Variants in SPINK2 observed in about 807,000 individuals in gnomAD.
SPINK2 encodes the protein serine peptidase inhibitor Kazal type 2.
SPINK2 carries 8 observed loss-of-function variants against 13.5 expected under a neutral mutation model. That is an observed-to-expected ratio of 0.59 (90% CI 0.35 to 1.07). SPINK2 has a LOEUF of 1.07. SPINK2 is among the 50% of genes least tolerant of loss of function. SPINK2 has a pLI of 0.02. For missense variants in SPINK2, 148 were observed against 180.3 expected (o/e 0.82, Z 1.03); for synonymous variants, 76 against 74.7 (o/e 1.02, Z -0.09).
At chr4:56,811,884 G>T in intron 2 of SPINK2, 90 bp from the exon 3 acceptor site, 12 of 442,642 alleles carry the variant, frequency 2.7e-5, no homozygotes, top group Non-Finnish European at 3.9e-5. Context: ...GATCTCCCTA[G>T]ATTTCCTAGA....
At chr4:56,820,718 G>A in intron 1 of SPINK2, 139 bp from the exon 2 acceptor site, 1 of 642,862 alleles carries the variant, frequency 1.6e-6, no homozygotes, top group African/African-American at 1.9e-5. Flanking sequence ...CGATCTTCCT[G>A]CCTAGGCCTC....
Position 56,820,338 on chromosome 4 carries a change from T to G in SPINK2, c.249+198A>C, listed in dbSNP as rs778541834. ...ACCTTTTGAATCTTTAAAGGAAATA[T>G]TAACACAAAGACTGAGCTGTTTTCA... On this transcript the variant is annotated intron_variant, in intron 2 of 3. Coordinates refer to ENST00000506738, the MANE Select transcript of SPINK2 (RefSeq NM_001271718.2). Among the ~76,000 whole-genome samples, 5 of 152,206 alleles carry G rather than the reference T, an allele frequency of 3.3e-5. No individual in the cohort carries two copies. In the East Asian group the frequency reaches 9.6e-4, roughly 29 times the overall value.
chr4:56,810,142 G>A lies in SPINK2; in HGVS notation c.402C>T (p.Cys134=). 6.2e-7 allele frequency: 1 copy of A among 1,608,750 alleles called. No homozygotes were observed. Among genetic ancestry groups the A allele is most frequent in the African/African-American group, 1.3e-5 (1 of 74,884 alleles). The change falls in exon 4 of 4, where the codon TGC becomes TGT. Residue 134 remains cysteine, a synonymous_variant. Transcript: ENST00000506738. ...HNIKIIRNGP[C] is the part of the protein sequence containing the mutation. ...TTCTTTTCTGTAAACTGCTCCATCAGCAGGGTCCATTTCGAATGATTTTAA... is the reference window on the plus strand; with the variant it reads ...TTCTTTTCTGTAAACTGCTCCATCAACAGGGTCCATTTCGAATGATTTTAA...
At chr4:56,818,332 T>C (rs984578893) in intron 2 of SPINK2, 3 of 152,206 alleles carry the variant, frequency 2.0e-5, no homozygotes, top group African/African-American at 7.2e-5. Flanking sequence ...AGATCTCTTG[T>C]GTGAGTCATC....
chr4:56,809,872 C>T lies in SPINK2; in HGVS notation c.*267G>A, dbSNP rs1305151547. The T allele has an allele frequency of 1.5e-5, 12 of 779,070 alleles. No homozygotes were observed. The Admixed American group carries it at 2.2e-4, about 14-fold the overall frequency. The allele number at this position is 779,070 out of a possible 1,614,324, so 48.3% of individuals were successfully genotyped here. A position where few individuals can be genotyped will look rare whatever the true frequency, so the allele number is the denominator to read the frequency against. On this transcript the variant is annotated 3_prime_UTR_variant, in exon 4 of 4. Coordinates refer to ENST00000506738, the MANE Select transcript of SPINK2 (RefSeq NM_001271718.2). ...AGAACAGTAGGAACTGAATTCAATGCTGATTTTATTTCAACTAAATAAAGC... is the reference window on the plus strand; with the variant it reads ...AGAACAGTAGGAACTGAATTCAATGTTGATTTTATTTCAACTAAATAAAGC...
intron 2 of SPINK2, among the ~76,000 whole-genome samples, chr4:56,815,162 TA>T (rs1717333938): frequency 6.6e-6 from 1 of 151,648 alleles, no homozygotes; most frequent in Admixed American, 6.6e-5. Context: ...CTCAACCTTA[TA>T]AAAGGCATCC....
rs1338516291 is a variant in SPINK2, at chr4:56,820,554, C to G, written c.231G>C (p.Leu77=). The G allele has an allele frequency of 6.2e-7, 1 of 1,611,108 alleles. No homozygotes were observed. The highest frequency in any genetic ancestry group is 8.5e-7 in the Non-Finnish European group (1 of 1,177,950). ...LPASLIPQFG[L]FSKYRTPNCS... ...TACTTACCGTTCTATATTTTGAAAACAGACCAAATTGAGGGATCAGAGAGG... is the reference window on the plus strand; with the variant it reads ...TACTTACCGTTCTATATTTTGAAAAGAGACCAAATTGAGGGATCAGAGAGG... Residue 77 remains leucine, a synonymous_variant, in exon 2 of 4, where the codon CTG becomes CTC. Transcript: ENST00000506738.
intron 3 of SPINK2, among the ~76,000 whole-genome samples, chr4:56,810,919 G>A (rs547529397): frequency 1.2e-4 from 18 of 152,002 alleles, no homozygotes; most frequent in South Asian, 8.3e-4. Context: ...ACAGTCACCT[G>A]GTCAGGTGTG....
chr4:56,818,156 G>C (rs1023225636), intron 2 of SPINK2: 39 of 152,182 alleles, frequency 2.6e-4, no homozygotes, highest in African/African-American at 9.2e-4. Context: ...AATTAGAGCA[G>C]TGGCAATGGA....
chr4:56,815,599 C>T (rs1228131271), intron 2 of SPINK2, among the ~76,000 whole-genome samples: 1 of 152,046 alleles, frequency 6.6e-6, no homozygotes, highest in Non-Finnish European at 1.5e-5. Context: ...ACTTGAGAAG[C>T]TGAGGCAGGA....
intron 2 of SPINK2, among the ~76,000 whole-genome samples, chr4:56,820,289 T>G (rs1344568364): frequency 6.6e-6 from 1 of 152,222 alleles, no homozygotes; most frequent in Non-Finnish European, 1.5e-5. Flanking sequence ...AAATATCTAG[T>G]ACAAGGCATA....
intron 3 of SPINK2, 87 bp from the exon 4 acceptor site, chr4:56,810,271 T>C: frequency 9.3e-6 from 10 of 1,072,536 alleles, no homozygotes; most frequent in Non-Finnish European, 1.4e-5. Flanking sequence ...CCCATGTAGA[T>C]AGATATATAT....
intron 2 of SPINK2, among the ~76,000 whole-genome samples, chr4:56,816,207 G>A (rs1019305829): frequency 6.6e-6 from 1 of 152,000 alleles, no homozygotes; most frequent in Non-Finnish European, 1.5e-5. Context: ...TGAAAAATCT[G>A]AAAATAAAAC....
At chr4:56,815,879 G>A (rs943818264) in intron 2 of SPINK2, among the ~76,000 whole-genome samples, 2 of 151,250 alleles carry the variant, frequency 1.3e-5, no homozygotes, top group South Asian at 4.2e-4. Flanking sequence ...TGAGGTAGGA[G>A]GATGACTTGA....
rs375751791 is a variant in SPINK2, at chr4:56,821,579, C to T, written c.84G>A (p.Arg28=). 24 of 1,548,326 alleles carry T rather than the reference C, an allele frequency of 1.6e-5. No homozygotes were observed. In the African/African-American group the frequency reaches 3.1e-4, roughly 20 times the overall value. The change falls in exon 1 of 4, where the codon CGG becomes CGA. Residue 28 remains arginine, a synonymous_variant. Coordinates refer to ENST00000506738, the MANE Select transcript of SPINK2 (RefSeq NM_001271718.2). ...CAAACCCGCTTTTCTCCGGAGGTCC[C>T]CGCTCGCCAGGACCGCTCCGAGCGC... The part of the protein sequence containing the change: ...AGSARSGPGE[R]GPPEKSGFGS...
chr4:56,817,232 A>G (rs1717530900), intron 2 of SPINK2, among the ~76,000 whole-genome samples: 1 of 152,184 alleles, frequency 6.6e-6, no homozygotes, highest in South Asian at 2.1e-4. Context: ...TTAGGAATAA[A>G]TATTTACAAA....
At chr4:56,814,947 C>A (rs1385548287) in intron 2 of SPINK2, among the ~76,000 whole-genome samples, 7 of 122,026 alleles carry the variant, frequency 5.7e-5, no homozygotes, top group South Asian at 2.7e-4. Flanking sequence ...GGTGACAGAG[C>A]AAGACTCCGT....
At chr4:56,818,066 A>G (rs1172613499) in intron 2 of SPINK2, among the ~76,000 whole-genome samples, 1 of 152,182 alleles carries the variant, frequency 6.6e-6, no homozygotes, top group East Asian at 1.9e-4. Flanking sequence ...AGGAAGTGGA[A>G]AGTGAAGATA....
At chr4:56,820,645 T>A in intron 1 of SPINK2, 66 bp from the exon 2 acceptor site, 1 of 1,402,208 alleles carries the variant, frequency 7.1e-7, no homozygotes, top group Non-Finnish European at 9.9e-7. Flanking sequence ...CATGAAGTTT[T>A]TTTTTTTTTT....
Sources: gnomAD v4.1 joint callset for allele counts (sites outside exome capture counted in the v4.1 genomes callset) on GRCh38, gnomAD v4.1.1 for gene constraint, MANE v1.5 for transcripts, NCBI Gene and HGNC (gene_info 2026-07-23, HGNC 2026-07-21) for gene names.